KLHL8: variants seen among roughly 807,000 people sequenced by gnomAD.
KLHL8 encodes the protein kelch like family member 8.
KLHL8 carries 38 observed loss-of-function variants against 63.5 expected under a neutral mutation model. The observed-to-expected ratio is 0.60, with a 90% CI of 0.46 to 0.78. The LOEUF (loss-of-function observed/expected upper bound fraction) is 0.78, where lower values mean the gene tolerates loss of function less well. Ranked by LOEUF, KLHL8 falls within the 30% of genes least tolerant of loss-of-function variation. KLHL8 has a pLI of 0.00. For missense variants in KLHL8, 566 were observed against 752.4 expected (o/e 0.75, Z 2.90); for synonymous variants, 224 against 254.3 (o/e 0.88, Z 1.13).
At position 87,178,501 on chromosome 4, in the gene KLHL8, G is replaced by C; in HGVS notation, c.1072C>G (p.His358Asp). ...FGPEMNSRRR[H>D]VGVISVEGKV... ...CCTTCCACAGAGATTACACCCACAT[G>C]TCGCCTTCGACTATTCATTTCTGGT... The change falls in exon 5 of 10, where the codon CAT (histidine) becomes GAT (aspartate). Residue 358 changes from histidine to aspartate, a missense_variant. Transcript: ENST00000273963. The C allele has an allele frequency of 6.2e-7, 1 of 1,610,728 alleles. No individual in the cohort carries two copies. The highest frequency in any genetic ancestry group is 8.5e-7 in the Non-Finnish European group (1 of 1,179,306).
chr4:87,218,242 CTTT>C (rs538856327), intron 1 of KLHL8, among the ~76,000 whole-genome samples: 3 of 145,492 alleles, frequency 2.1e-5, no homozygotes, highest in East Asian at 4.0e-4. Flanking sequence ...ATTTACCCAA[CTTT>C]TTTTTTTTTT....
In KLHL8 at chr4:87,238,631, T is replaced by C. The variant is rs1733276665; in HGVS notation, n.57+1627A>G. ...CACTGAGAAAGAAAATTGTTAATTT[T>C]ATTTAATACAAATTGTCATATGTGG... On this transcript the variant is annotated intron_variant and non_coding_transcript_variant, in intron 1 of 1. Coordinates refer to the KLHL8 transcript ENST00000506274. Among the ~76,000 whole-genome samples, 4 of 152,238 alleles carry C rather than the reference T, an allele frequency of 2.6e-5. No individual in the cohort carries two copies. The South Asian group carries it at 6.2e-4, about 24-fold the overall frequency.
chr4:87,177,416 A>G (rs1193389853), intron 5 of KLHL8, among the ~76,000 whole-genome samples: 1 of 152,056 alleles, frequency 6.6e-6, no homozygotes, highest in East Asian at 1.9e-4. Context: ...CCGAGGCAGA[A>G]TTGCCTGAAC....
intron 1 of KLHL8, among the ~76,000 whole-genome samples, chr4:87,198,416 C>T (rs917373299): frequency 2.0e-5 from 3 of 152,158 alleles, no homozygotes; most frequent in African/African-American, 4.8e-5. Context: ...TTAAACTCAA[C>T]AATATCAATA....
chr4:87,207,977 G>T, intron 1 of KLHL8: 2 of 774,454 alleles, frequency 2.6e-6, no homozygotes, highest in South Asian at 1.4e-5. Flanking sequence ...TTCAATGTTA[G>T]GGCTGGCATT....
intron 1 of KLHL8, among the ~76,000 whole-genome samples, chr4:87,200,164 A>G (rs1265772749): frequency 6.6e-6 from 1 of 151,410 alleles, no homozygotes; most frequent in East Asian, 1.9e-4. Context: ...AAAAAAAGAA[A>G]AAAAAAAAGG....
intron 1 of KLHL8, chr4:87,207,514 C>A: frequency 1.2e-6 from 1 of 852,512 alleles, no homozygotes; most frequent in Non-Finnish European, 2.0e-6. Context: ...TGACAACAGC[C>A]TCAAGATCAT....
chr4:87,163,829 C>T (rs377231696), intron 9 of KLHL8, 49 bp downstream of exon 9: 4 of 1,573,128 alleles, frequency 2.5e-6, no homozygotes, highest in South Asian at 1.1e-5. Flanking sequence ...AAGTAATCTA[C>T]TATTATACCA....
chr4:87,227,794 T>C (rs911998602), intron 1 of KLHL8, among the ~76,000 whole-genome samples: 1 of 152,224 alleles, frequency 6.6e-6, no homozygotes, highest in African/African-American at 2.4e-5. Context: ...TAAGCTTTTA[T>C]CTTGCTTAAG....
At position 87,170,176 on chromosome 4, in the gene KLHL8, A is replaced by G. The variant is rs1730581044; in HGVS notation, c.1440T>C (p.Tyr480=). ...CTATCCACTTATCCAGATGTGGATC[A>G]TATCTCTCCACGCTAGATAAAGAAG... ...GMASLSSVER[Y]DPHLDKWIEV... Residue 480 remains tyrosine, a synonymous_variant, in exon 8 of 10, where the codon TAT becomes TAC. Coordinates refer to ENST00000273963, the MANE Select transcript of KLHL8 (RefSeq NM_020803.5). The G allele has an allele frequency of 2.5e-6, 4 of 1,613,664 alleles. No homozygotes were observed. The highest frequency in any genetic ancestry group is 1.1e-5 in the South Asian group (1 of 91,074).
intron 6 of KLHL8, among the ~76,000 whole-genome samples, chr4:87,176,404 G>A (rs1730817840): frequency 6.6e-6 from 1 of 152,148 alleles, no homozygotes; most frequent in Non-Finnish European, 1.5e-5. Context: ...GTCCCATAGA[G>A]GGGACAAAAT....
At chr4:87,203,409 G>A (rs1237979125) in intron 1 of KLHL8, among the ~76,000 whole-genome samples, 1 of 151,772 alleles carries the variant, frequency 6.6e-6, no homozygotes, top group East Asian at 1.9e-4. Flanking sequence ...TGTGGTGGTG[G>A]GCGCCAGCTA....
At chr4:87,205,577 C>T (rs1402119664) in intron 1 of KLHL8, among the ~76,000 whole-genome samples, 1 of 152,192 alleles carries the variant, frequency 6.6e-6, no homozygotes, top group African/African-American at 2.4e-5. Context: ...TCCGCCTCAG[C>T]ACCCCCTGCC....
chr4:87,223,888 A>G (rs1254077561), upstream of KLHL8, among the ~76,000 whole-genome samples: 2 of 152,168 alleles, frequency 1.3e-5, no homozygotes. Context: ...CCCTAGCTCC[A>G]TTTGAGAATA....
chr4:87,193,204 C>T (rs1731560949), intron 2 of KLHL8, among the ~76,000 whole-genome samples: 2 of 152,180 alleles, frequency 1.3e-5, no homozygotes, highest in African/African-American at 4.8e-5. Flanking sequence ...CACAGCTCTA[C>T]AAAAATGTTT....
chr4:87,164,941 G>T (rs569747895), intron 8 of KLHL8, among the ~76,000 whole-genome samples: 5 of 152,146 alleles, frequency 3.3e-5, no homozygotes, highest in South Asian at 2.1e-4. Context: ...GAGGTCAGGA[G>T]ATCGAGACCA....
chr4:87,227,353 C>T (rs1375328668), intron 1 of KLHL8, among the ~76,000 whole-genome samples: 2 of 152,040 alleles, frequency 1.3e-5, no homozygotes. Context: ...AGTTATTTGA[C>T]ACTGGAGACG....
At chr4:87,183,536 G>T in intron 3 of KLHL8, 147 bp from the exon 4 acceptor site, 1 of 661,442 alleles carries the variant, frequency 1.5e-6, no homozygotes, top group South Asian at 2.3e-5. Flanking sequence ...AACTTAAGTT[G>T]TTACTTCATG....
At chr4:87,205,569 C>T (rs992493913) in intron 1 of KLHL8, among the ~76,000 whole-genome samples, 12 of 152,104 alleles carry the variant, frequency 7.9e-5, no homozygotes, top group Non-Finnish European at 1.5e-4. Context: ...TTTATCCTTC[C>T]GCCTCAGCAC....
Sources: gnomAD v4.1 joint callset for allele counts (sites outside exome capture counted in the v4.1 genomes callset) on GRCh38, gnomAD v4.1.1 for gene constraint, MANE v1.5 for transcripts, NCBI Gene and HGNC (gene_info 2026-07-23, HGNC 2026-07-21) for gene names.